The following ARHGEF18 variants were observed in gnomAD, a reference collection of about 807,000 sequenced individuals.
ARHGEF18 encodes the protein Rho/Rac guanine nucleotide exchange factor 18.
Under a neutral mutation model 155.7 loss-of-function variants are expected in ARHGEF18, and 93 were observed. That is an observed-to-expected ratio of 0.60 (90% CI 0.50 to 0.71). The LOEUF (loss-of-function observed/expected upper bound fraction) is 0.71, where lower values mean the gene tolerates loss of function less well. ARHGEF18 is among the 30% of genes least tolerant of loss of function. The probability of loss-of-function intolerance (pLI) is 0.00; values close to 1 mark genes in which losing one functional copy is unlikely to be tolerated. For synonymous variants in ARHGEF18, 742 were observed against 753.1 expected (o/e 0.99, Z 0.24); for missense variants, 1,593 against 1,816.1 (o/e 0.88, Z 2.23).
chr19:7,441,400 G>A (rs1005572487), intron 11 of ARHGEF18, among the ~76,000 whole-genome samples: 3 of 151,916 alleles, frequency 2.0e-5, no homozygotes, highest in African/African-American at 7.3e-5. Context: ...AGCTGGTCTC[G>A]AACTCCTGAC....
Position 7,382,900 on chromosome 19 carries a change from G to T in ARHGEF18, c.825+6G>T, listed in dbSNP as rs1970813045. 8.1e-7 allele frequency: 1 copy of T among 1,232,392 alleles called. No homozygotes were observed. Among genetic ancestry groups the T allele is most frequent in the South Asian group, 4.1e-5 (1 of 24,312 alleles). The allele number at this position is 1,232,392 out of a possible 1,614,324, so 76.3% of individuals were successfully genotyped here. Reference sequence around the variant, plus strand: ...TGACCAGGCAGAAGGAGAAGGTAAGGGGAGCTAAGCCACGGGGGCCCTCCT... The same window carrying T: ...TGACCAGGCAGAAGGAGAAGGTAAGTGGAGCTAAGCCACGGGGGCCCTCCT... On this transcript the variant is annotated splice_donor_region_variant and intron_variant, in intron 9 of 28. Transcript: ENST00000668164.
Position 7,446,903 on chromosome 19 carries a change from A to C in ARHGEF18, c.1612-140A>C, listed in dbSNP as rs1975030162. On this transcript the variant is annotated intron_variant, in intron 14 of 28. Coordinates refer to ENST00000668164, the MANE Select transcript of ARHGEF18 (RefSeq NM_001367823.1). ...AGAGCAAGATGCTGTCTCAAAAAAAAAAAAAAAAGAAGAAGAAAGAAAGAA... is the reference window on the plus strand; with the variant it reads ...AGAGCAAGATGCTGTCTCAAAAAAACAAAAAAAAGAAGAAGAAAGAAAGAA... 4 of 1,182,160 alleles carry C rather than the reference A, an allele frequency of 3.4e-6. No homozygotes were observed. The South Asian group carries it at 6.3e-5, about 19-fold the overall frequency. 73.2% of individuals were successfully genotyped at this position (1,182,160 alleles called of 1,614,324 possible). A position where few individuals can be genotyped will look rare whatever the true frequency, so the allele number is the denominator to read the frequency against.
chr19:7,365,516 G>A (rs1383677222), intron 2 of ARHGEF18, among the ~76,000 whole-genome samples: 3 of 152,206 alleles, frequency 2.0e-5, no homozygotes, highest in Non-Finnish European at 4.4e-5. Context: ...GTTTAGCCCT[G>A]CGCCCTCCCT....
chr19:7,375,446 A>G (rs1171771635), intron 3 of ARHGEF18, among the ~76,000 whole-genome samples: 5 of 151,842 alleles, frequency 3.3e-5, no homozygotes, highest in Non-Finnish European at 5.9e-5. Flanking sequence ...AAAAGAAAAG[A>G]AAGAAAAGAA....
At chr19:7,393,359 A>T (rs1330306220) in intron 10 of ARHGEF18, among the ~76,000 whole-genome samples, 1 of 152,108 alleles carries the variant, frequency 6.6e-6, no homozygotes, top group African/African-American at 2.4e-5. Flanking sequence ...TTTTGAAGTG[A>T]TTGGGTTTGG....
rs1969583567 is a variant in ARHGEF18, at chr19:7,362,015, AGG to A, written c.-110-765_-110-764del. Reference sequence around the variant, plus strand: ...TGGAAGAAGAAGAAGAAGAAGAAGAAGGAGAAGGAGAAGGAGAAGGAGAAGGA... The same window carrying A: ...TGGAAGAAGAAGAAGAAGAAGAAGAAAGAAGGAGAAGGAGAAGGAGAAGGA... On this transcript the variant is annotated intron_variant, in intron 1 of 28. Coordinates refer to ENST00000668164, the MANE Select transcript of ARHGEF18 (RefSeq NM_001367823.1). Among the ~76,000 whole-genome samples the A allele has an allele frequency of 5.7e-5, 2 of 35,070 alleles. 1 individual carries two copies. The highest frequency in any genetic ancestry group is 3.5e-4 in the African/African-American group (2 of 5,682). The allele number at this position is 35,070 out of a possible 152,430, so 23.0% of individuals were successfully genotyped here.
At chr19:7,457,658 C>T (rs923378860) in intron 18 of ARHGEF18, among the ~76,000 whole-genome samples, 8 of 152,180 alleles carry the variant, frequency 5.3e-5, no homozygotes, top group South Asian at 2.1e-4. Flanking sequence ...CCACCACACC[C>T]GCACATTAAT....
At chr19:7,416,549 G>C (rs1193807737) in intron 10 of ARHGEF18, among the ~76,000 whole-genome samples, 1 of 148,118 alleles carries the variant, frequency 6.8e-6, no homozygotes, top group East Asian at 2.0e-4. Context: ...GTGTGTGTGT[G>C]TGTGTGTGTG....
chr19:7,454,485 G>C (rs549936175), intron 17 of ARHGEF18, among the ~76,000 whole-genome samples: 1 of 151,704 alleles, frequency 6.6e-6, no homozygotes, highest in African/African-American at 2.4e-5. Flanking sequence ...CGGACTGGTG[G>C]CATGGTCTTG....
rs1397511878 is a variant in ARHGEF18, at chr19:7,395,159, A to C, written c.967+11956A>C. 7.1e-6 allele frequency: 7 copies of C among 985,746 alleles called. No individual in the cohort carries two copies. In the Admixed American group the frequency reaches 4.3e-4, roughly 61 times the overall value. 61.1% of individuals were successfully genotyped at this position (985,746 alleles called of 1,614,324 possible). A position where few individuals can be genotyped will look rare whatever the true frequency, so the allele number is the denominator to read the frequency against. ...GGCTCCCAGCTGCTAGCTACTGTGG[A>C]TCTGGGGGGGCCGGACGGAGGCATC... On this transcript the variant is annotated intron_variant, in intron 10 of 28. Transcript: ENST00000668164. The surrounding 1 kb of genome is among the most constrained non-coding windows in gnomAD (Gnocchi z 5.0).
At chr19:7,477,555 G>A in the ARHGEF18 span, 4 of 845,928 alleles carry the variant, frequency 4.7e-6, no homozygotes, top group East Asian at 6.4e-5. Flanking sequence ...GGGAGGAGCT[G>A]GCAGGACTGA....
Position 7,441,775 on chromosome 19 carries a change from T to C in ARHGEF18, c.1219+10T>C. 1 of 1,613,852 alleles carries C rather than the reference T, an allele frequency of 6.2e-7. No individual in the cohort carries two copies. Among genetic ancestry groups the C allele is most frequent in the Non-Finnish European group, 8.5e-7 (1 of 1,179,758 alleles). On this transcript the variant is annotated intron_variant, in intron 12 of 28. Coordinates refer to ENST00000668164, the MANE Select transcript of ARHGEF18 (RefSeq NM_001367823.1). Reference sequence around the variant, plus strand: ...TCCATTTTTGTAGAAGGTATGGTCATCTCCGCTCTCTCGCGGCTGCCACAC... The same window carrying C: ...TCCATTTTTGTAGAAGGTATGGTCACCTCCGCTCTCTCGCGGCTGCCACAC...
At chr19:7,433,698 A>C (rs1974096668) in intron 10 of ARHGEF18, among the ~76,000 whole-genome samples, 2 of 152,032 alleles carry the variant, frequency 1.3e-5, no homozygotes, top group Admixed American at 1.3e-4. Flanking sequence ...ACTGAGTCAC[A>C]AAGGAAGCAC....
intron 2 of ARHGEF18, among the ~76,000 whole-genome samples, chr19:7,366,048 AG>A (rs1484411550): frequency 6.6e-6 from 1 of 151,944 alleles, no homozygotes; most frequent in African/African-American, 2.4e-5. Context: ...CAGGTTCAAG[AG>A]ATTCTTGTGC....
chr19:7,375,882 C>T lies in ARHGEF18; in HGVS notation c.426+12C>T. ...AGAGCCCAGGCAAGGTGGGTATAACCTGCAGCCACCCCTGACAATAGCACA... is the reference window on the plus strand; with the variant it reads ...AGAGCCCAGGCAAGGTGGGTATAACTTGCAGCCACCCCTGACAATAGCACA... On this transcript the variant is annotated intron_variant, in intron 4 of 28. Transcript: ENST00000668164. 1 of 1,234,402 alleles carries T rather than the reference C, an allele frequency of 8.1e-7. No individual in the cohort carries two copies. Among genetic ancestry groups the T allele is most frequent in the Non-Finnish European group, 1.0e-6 (1 of 988,214 alleles). 76.5% of individuals were successfully genotyped at this position (1,234,402 alleles called of 1,614,324 possible).
chr19:7,394,334 C>A (rs1397406765), intron 10 of ARHGEF18, among the ~76,000 whole-genome samples: 2 of 151,936 alleles, frequency 1.3e-5, no homozygotes, highest in South Asian at 2.1e-4. Flanking sequence ...ATGAAGTGAT[C>A]CCCCCACCAC....
chr19:7,358,148 ACCATCCATCCTTCCATCCAT>A (rs1969388811), intron 1 of ARHGEF18, among the ~76,000 whole-genome samples: 1 of 99,732 alleles, frequency 1.0e-5, no homozygotes, highest in South Asian at 3.6e-4. Context: ...CAACTCTTCA[ACCATCCATCCTTCCATCCAT>A]CCATCCATCC....
chr19:7,419,347 C>T lies in ARHGEF18; in HGVS notation c.968-20997C>T, dbSNP rs147583583. 1.0e-3 allele frequency among the ~76,000 whole-genome samples: 152 copies of T among 149,428 alleles called. 3 individuals carry two copies. Among genetic ancestry groups the T allele is most frequent in the African/African-American group, 3.5e-3 (142 of 40,208 alleles). ...CCCGGGTGTGCCCACACTTGGCCCC[C>T]GCACCCCAGATGCGCCCACACTTGC... On this transcript the variant is annotated intron_variant, in intron 10 of 28. Transcript: ENST00000668164.
rs8102076 is a variant in ARHGEF18, at chr19:7,373,467, T to G, written c.275+396T>G. 7.2e-4 allele frequency among the ~76,000 whole-genome samples: 74 copies of G among 102,162 alleles called. 1 individual carries two copies. The South Asian group carries it at 0.011, about 16-fold the overall frequency. 67.0% of individuals were successfully genotyped at this position (102,162 alleles called of 152,430 possible). ...GATTCTCTTGTTTTTGTGTTTGTTT[T>G]TTTTTTTTTGTTTTTGTTTTTTTTT... On this transcript the variant is annotated intron_variant, in intron 3 of 28. Transcript: ENST00000668164.
Sources: allele counts gnomAD v4.1 joint callset (sites outside exome capture counted in the v4.1 genomes callset), GRCh38; gene constraint gnomAD v4.1.1; non-coding constraint Gnocchi (gnomAD v3.1); transcripts MANE v1.5; gene names NCBI Gene and HGNC (gene_info 2026-07-23, HGNC 2026-07-21).